The following FMN2 variants were observed in gnomAD, a reference collection of about 807,000 sequenced individuals.
FMN2 encodes formin-2.
FMN2 carries 51 observed loss-of-function variants against 142.3 expected under a neutral mutation model. The ratio of observed to expected loss-of-function variants is 0.36; its 90% CI spans 0.29 to 0.45. The LOEUF is 0.45. Among genes scored for constraint, FMN2 ranks in the 20% least tolerant of loss-of-function variants. FMN2 has a pLI of 1.00. For missense variants in FMN2, 1,936 were observed against 2,122.8 expected (o/e 0.91, Z 1.73); for synonymous variants, 882 against 869.8 (o/e 1.01, Z -0.25).
At position 240,207,317 on chromosome 1, in the gene FMN2, C is replaced by T. The variant is rs765036971; in HGVS notation, c.2505C>T (p.Thr835=). 1.1e-5 allele frequency: 18 copies of T among 1,613,662 alleles called. No homozygotes were observed. Among genetic ancestry groups the T allele is most frequent in the East Asian group, 4.5e-5 (2 of 44,876 alleles). ...CACAGCCGCCCCATTCTATTTCTACCGAGTTTCAAACCAGCCACGAACACT... is the reference window on the plus strand; with the variant it reads ...CACAGCCGCCCCATTCTATTTCTACTGAGTTTCAAACCAGCCACGAACACT... ...PGSQPPHSIS[T]EFQTSHEHSV... is the part of the protein sequence containing the mutation. The change falls in exon 5 of 18, where the codon ACC becomes ACT. Residue 835 remains threonine (T), a synonymous_variant. Coordinates refer to ENST00000319653, the MANE Select transcript of FMN2 (RefSeq NM_020066.5).
rs936580318 is a variant in FMN2 at position 240,174,362 on chromosome 1, T to C, written c.1783-3559T>C. On this transcript the variant is annotated intron_variant, in intron 2 of 17. Coordinates refer to ENST00000319653, the MANE Select transcript of FMN2 (RefSeq NM_020066.5). ...TTACATTTCAGAAACTTCTTTTCTT[T>C]CTGTTTTTTTGAGACAAGGTCTTGC... 7.9e-5 allele frequency among the ~76,000 whole-genome samples: 12 copies of C among 152,170 alleles called. 1 individual carries two copies. Among genetic ancestry groups the C allele is most frequent in the African/African-American group, 2.9e-4 (12 of 41,448 alleles).
At chr1:240,415,745 G>A (rs545904602) in intron 15 of FMN2, among the ~76,000 whole-genome samples, 14 of 152,264 alleles carry the variant, frequency 9.2e-5, no homozygotes, top group African/African-American at 3.4e-4. Context: ...CCTGAAGTTT[G>A]CAGTGCAATG....
rs534451070 is a variant in FMN2, at chr1:240,281,463, GGT to G, written c.4154-13358_4154-13357del. ...ACTAGGGCAGGAACCGTGTCTGTCTGGTTTATGCTGTATCCTCAGGGCGGACA... is the reference window on the plus strand; with the variant it reads ...ACTAGGGCAGGAACCGTGTCTGTCTGTTATGCTGTATCCTCAGGGCGGACA... On this transcript the variant is annotated intron_variant, in intron 7 of 17. Coordinates refer to ENST00000319653, the MANE Select transcript of FMN2 (RefSeq NM_020066.5). Among the ~76,000 whole-genome samples the G allele has an allele frequency of 2.0e-5, 3 of 152,218 alleles. No individual in the cohort carries two copies. In the East Asian group the frequency reaches 5.8e-4, roughly 29 times the overall value.
chr1:240,101,261 A>G (rs1661401236), intron 1 of FMN2, among the ~76,000 whole-genome samples: 1 of 152,180 alleles, frequency 6.6e-6, no homozygotes, highest in African/African-American at 2.4e-5. Flanking sequence ...TTCTATAGAT[A>G]TGGTGATTCC....
At chr1:240,191,842 T>C (rs1665711791) in intron 4 of FMN2, among the ~76,000 whole-genome samples, 2 of 152,154 alleles carry the variant, frequency 1.3e-5, no homozygotes. Context: ...GGAAGGGAAA[T>C]AGAATAACAT....
chr1:240,305,130 T>C (rs1670338108), intron 8 of FMN2, among the ~76,000 whole-genome samples: 1 of 152,198 alleles, frequency 6.6e-6, no homozygotes, highest in Admixed American at 6.5e-5. Flanking sequence ...AGACGTTGTC[T>C]GATAATATGA....
At chr1:240,291,677 C>T (rs1029033203) in intron 7 of FMN2, among the ~76,000 whole-genome samples, 1 of 152,106 alleles carries the variant, frequency 6.6e-6, no homozygotes, top group Admixed American at 6.5e-5. Context: ...TTGTTTCACT[C>T]TAATGGTTTA....
chr1:240,315,845 A>G (rs771773541), intron 8 of FMN2, among the ~76,000 whole-genome samples: 37 of 152,220 alleles, frequency 2.4e-4, no homozygotes, highest in Non-Finnish European at 3.8e-4. Context: ...TAGACCACCC[A>G]TAAACTCTTG....
At chr1:240,328,559 TTTTATTTATTTATTTATTTA>T (rs200121171) in intron 8 of FMN2, among the ~76,000 whole-genome samples, 167 of 140,402 alleles carry the variant, frequency 1.2e-3, no homozygotes, top group Middle Eastern at 7.7e-3. Flanking sequence ...TTACACTTTA[TTTTATTTATTTATTTATTTA>T]TTTATTTATT....
chr1:240,279,214 G>A (rs1669317110), intron 7 of FMN2, among the ~76,000 whole-genome samples: 1 of 152,060 alleles, frequency 6.6e-6, no homozygotes, highest in African/African-American at 2.4e-5. Flanking sequence ...TATTACGAGC[G>A]ATTGAAGGAT....
intron 2 of FMN2, among the ~76,000 whole-genome samples, chr1:240,159,957 C>CTA (rs1664206310): frequency 8.4e-6 from 1 of 119,494 alleles, no homozygotes; most frequent in African/African-American, 3.5e-5. Flanking sequence ...ATATCTATAT[C>CTA]TGTGTATATA....
In FMN2 at chr1:240,304,031, T is replaced by A. The variant is rs148506265; in HGVS notation, c.4215+9148T>A. On this transcript the variant is annotated intron_variant, in intron 8 of 17. Transcript: ENST00000319653. ...TTTTTCACCTTCTTTTTGATTTATT[T>A]TCAGGTTTTCTATCTCTTTATTAAT... Among the ~76,000 whole-genome samples the A allele has an allele frequency of 5.0e-3, 761 of 152,300 alleles. 1 individual carries two copies. The highest frequency in any genetic ancestry group is 8.8e-3 in the Non-Finnish European group (597 of 68,024).
chr1:240,194,164 A>G (rs1286312522), intron 4 of FMN2, among the ~76,000 whole-genome samples: 1 of 151,702 alleles, frequency 6.6e-6, no homozygotes, highest in Non-Finnish European at 1.5e-5. Context: ...TTTAATCTAA[A>G]TTTGTCTAAA....
intron 15 of FMN2, among the ~76,000 whole-genome samples, chr1:240,395,081 A>G (rs1673730660): frequency 6.6e-6 from 1 of 152,170 alleles, no homozygotes; most frequent in African/African-American, 2.4e-5. Context: ...GTGCACATTC[A>G]CCATTCTGAA....
At position 240,184,517 on chromosome 1, in the gene FMN2, G is replaced by GTT. The variant is rs71712034; in HGVS notation, c.1931-3669_1931-3668dup. Among the ~76,000 whole-genome samples the GTT allele has an allele frequency of 8.9e-3, 1,064 of 119,704 alleles. 8 individuals carry two copies. The highest frequency in any genetic ancestry group is 0.014 in the Non-Finnish European group (784 of 55,834). 78.5% of individuals were successfully genotyped at this position (119,704 alleles called of 152,430 possible). A position where few individuals can be genotyped will look rare whatever the true frequency, so the allele number is the denominator to read the frequency against. ...AGATGTGAGCCATTGCGCCCGGCCT[G>GTT]TTTTTTTTTTTTTTTTTTTTTTAAG... On this transcript the variant is annotated intron_variant, in intron 3 of 17. Transcript: ENST00000319653.
At position 240,352,754 on chromosome 1, in the gene FMN2, ACT is replaced by A. The variant is rs536274367; in HGVS notation, c.4766-3058_4766-3057del. On this transcript the variant is annotated intron_variant, in intron 13 of 17. Transcript: ENST00000319653. Reference sequence around the variant, plus strand: ...CAGTATCCTTACACAGTTTTAGGAAACTCTCAAATTTATGACATGATTTAAGT... The same window carrying A: ...CAGTATCCTTACACAGTTTTAGGAAACTCAAATTTATGACATGATTTAAGT... Among the ~76,000 whole-genome samples the A allele has an allele frequency of 1.8e-4, 27 of 152,278 alleles. 1 individual carries two copies. In the East Asian group the frequency reaches 4.6e-3, roughly 26 times the overall value.
intron 16 of FMN2, among the ~76,000 whole-genome samples, chr1:240,462,358 A>G (rs1345204234): frequency 1.3e-5 from 2 of 152,148 alleles, no homozygotes; most frequent in Non-Finnish European, 2.9e-5. Context: ...ATATTTTATA[A>G]CTTTAAATTT....
chr1:240,305,403 A>C (rs1420808481), intron 8 of FMN2, among the ~76,000 whole-genome samples: 3 of 152,238 alleles, frequency 2.0e-5, no homozygotes, highest in Non-Finnish European at 2.9e-5. Flanking sequence ...TGTGTTTTTC[A>C]AACTGGGTTC....
chr1:240,369,391 C>T (rs1310450284), intron 14 of FMN2, among the ~76,000 whole-genome samples: 1 of 152,076 alleles, frequency 6.6e-6, no homozygotes, highest in African/African-American at 2.4e-5. Flanking sequence ...TTGTCTGTTA[C>T]CCCTAAAATA....
Sources: allele counts gnomAD v4.1 joint callset (sites outside exome capture counted in the v4.1 genomes callset), GRCh38; gene constraint gnomAD v4.1.1; transcripts MANE v1.5; gene names NCBI Gene and HGNC (gene_info 2026-07-23, HGNC 2026-07-21).